CNTN4: variants seen among roughly 807,000 people sequenced by gnomAD.
CNTN4 encodes the protein contactin 4.
Under a neutral mutation model 122.5 loss-of-function variants are expected in CNTN4, and 77 were observed. That is an observed-to-expected ratio of 0.63 (90% CI 0.52 to 0.76). The LOEUF (loss-of-function observed/expected upper bound fraction) is 0.76. CNTN4 is among the 30% of genes least tolerant of loss of function. The probability of loss-of-function intolerance (pLI) is 0.00; values close to 1 mark genes in which losing one functional copy is unlikely to be tolerated. For synonymous variants in CNTN4, 512 were observed against 447.0 expected (o/e 1.15, Z -1.83); for missense variants, 1,256 against 1,259.1 (o/e 1.00, Z 0.04).
chr3:2,780,496 T>G (rs551899472), intron 6 of CNTN4, among the ~76,000 whole-genome samples: 29 of 152,366 alleles, frequency 1.9e-4, no homozygotes, highest in African/African-American at 6.5e-4. Context: ...ATATATTTTT[T>G]AAGTAGTTTC....
chr3:2,361,578 A>T (rs539647017), intron 3 of CNTN4, among the ~76,000 whole-genome samples: 1 of 152,254 alleles, frequency 6.6e-6, no homozygotes, highest in African/African-American at 2.4e-5. Flanking sequence ...CACACTAAAA[A>T]GGAGAAATTG....
intron 3 of CNTN4, among the ~76,000 whole-genome samples, chr3:2,503,704 A>G (rs1055956993): frequency 2.6e-5 from 4 of 152,050 alleles, no homozygotes; most frequent in Admixed American, 6.6e-5. Flanking sequence ...TTTTTTTAAT[A>G]AAGTGGGTAG....
intron 2 of CNTN4, among the ~76,000 whole-genome samples, chr3:2,332,359 A>G (rs1320360870): frequency 1.3e-5 from 2 of 152,168 alleles, no homozygotes; most frequent in Non-Finnish European, 2.9e-5. Flanking sequence ...TATAATATTA[A>G]TAGCTGACAG....
rs530919388 is a variant in CNTN4 at position 2,869,574 on chromosome 3, A to G, written c.652+2625A>G. Among the ~76,000 whole-genome samples the G allele has an allele frequency of 3.3e-5, 5 of 152,336 alleles. No homozygotes were observed. In the East Asian group the frequency reaches 9.6e-4, roughly 29 times the overall value. ...AAACATTATTTGTAAAACCAAATAC[A>G]TAACTTCTCCCTTGGCAACAGGAGG... On this transcript the variant is annotated intron_variant, in intron 8 of 24. Transcript: ENST00000418658.
In CNTN4 at chr3:2,771,413, C is replaced by T. The variant is rs565971637; in HGVS notation, c.358+25716C>T. Among the ~76,000 whole-genome samples, 10 of 152,330 alleles carry T rather than the reference C, an allele frequency of 6.6e-5. No individual in the cohort carries two copies. In the East Asian group the frequency reaches 1.9e-3, roughly 29 times the overall value. Reference sequence around the variant, plus strand: ...TGTTGGAAACTGATCAAGCAAGCCACATGGTGGGCAGAATTACCCACACTA... The same window carrying T: ...TGTTGGAAACTGATCAAGCAAGCCATATGGTGGGCAGAATTACCCACACTA... On this transcript the variant is annotated intron_variant, in intron 6 of 24. Coordinates refer to ENST00000418658, the MANE Select transcript of CNTN4 (RefSeq NM_175607.3).
In CNTN4 at chr3:2,219,812, C is replaced by G. The variant is rs2038991205; in HGVS notation, c.-145+119173C>G. 2.0e-5 allele frequency among the ~76,000 whole-genome samples: 3 copies of G among 151,894 alleles called. No individual in the cohort carries two copies. In the South Asian group the frequency reaches 6.2e-4, roughly 32 times the overall value. ...ATCTTAAACCATCAAATGTTCCCAG[C>G]AAAAGATGGCATTTTTTTCAGAAAT... On this transcript the variant is annotated intron_variant, in intron 2 of 24. Coordinates refer to ENST00000418658, the MANE Select transcript of CNTN4 (RefSeq NM_175607.3).
intron 6 of CNTN4, among the ~76,000 whole-genome samples, chr3:2,789,683 G>T (rs1189530880): frequency 6.6e-6 from 1 of 152,148 alleles, no homozygotes; most frequent in Non-Finnish European, 1.5e-5. Context: ...CACCTGCCTT[G>T]GCCTCCCAAA....
In CNTN4 at chr3:2,607,644, A is replaced by G. The variant is rs1367511227; in HGVS notation, c.55+36086A>G. Reference sequence around the variant, plus strand: ...CACACACATAACTAATGGCTAATACAGTATAAAAACATGGTAATGATACAT... The same window carrying G: ...CACACACATAACTAATGGCTAATACGGTATAAAAACATGGTAATGATACAT... On this transcript the variant is annotated intron_variant, in intron 4 of 24. Coordinates refer to ENST00000418658, the MANE Select transcript of CNTN4 (RefSeq NM_175607.3). 2.6e-5 allele frequency among the ~76,000 whole-genome samples: 4 copies of G among 152,284 alleles called. No homozygotes were observed. The East Asian group carries it at 7.7e-4, about 29-fold the overall frequency.
chr3:2,787,080 T>C (rs753010954), intron 6 of CNTN4, among the ~76,000 whole-genome samples: 14 of 152,164 alleles, frequency 9.2e-5, no homozygotes, highest in Non-Finnish European at 1.8e-4. Flanking sequence ...AACTTGAAGG[T>C]ATTTTAAGAA....
intron 3 of CNTN4, among the ~76,000 whole-genome samples, chr3:2,406,366 G>T (rs1354567911): frequency 1.3e-5 from 2 of 152,290 alleles, no homozygotes; most frequent in South Asian, 4.1e-4. Flanking sequence ...TCATGAGGCT[G>T]CACCAGGCAA....
At chr3:2,556,165 A>T (rs1490258270) in intron 3 of CNTN4, among the ~76,000 whole-genome samples, 1 of 152,170 alleles carries the variant, frequency 6.6e-6, no homozygotes, top group Non-Finnish European at 1.5e-5. Flanking sequence ...TTATGTATTT[A>T]TAGCAAAACA....
intron 3 of CNTN4, among the ~76,000 whole-genome samples, chr3:2,369,044 C>T (rs535126885): frequency 7.2e-5 from 11 of 152,064 alleles, no homozygotes; most frequent in Non-Finnish European, 1.3e-4. Flanking sequence ...CCTGCCTCAG[C>T]TCCCGAGTAG....
At chr3:2,633,305 T>C (rs1034595343) in intron 4 of CNTN4, among the ~76,000 whole-genome samples, 1 of 152,200 alleles carries the variant, frequency 6.6e-6, no homozygotes, top group Non-Finnish European at 1.5e-5. Flanking sequence ...AGCTAGGCAC[T>C]GGATTCATCA....
intron 3 of CNTN4, among the ~76,000 whole-genome samples, chr3:2,351,347 A>G: frequency 6.6e-6 from 1 of 152,192 alleles, no homozygotes; most frequent in East Asian, 1.9e-4. Context: ...TAAAAGTGGC[A>G]CAGATTCACA....
intron 7 of CNTN4, among the ~76,000 whole-genome samples, chr3:2,821,082 C>A (rs1395151091): frequency 1.3e-5 from 2 of 150,948 alleles, no homozygotes; most frequent in African/African-American, 4.9e-5. Flanking sequence ...ATGCCTCAGC[C>A]TTCCGAGTAG....
At chr3:2,486,764 A>G (rs534049789) in intron 3 of CNTN4, among the ~76,000 whole-genome samples, 1 of 152,246 alleles carries the variant, frequency 6.6e-6, no homozygotes, top group East Asian at 1.9e-4. Flanking sequence ...AAAGGAATGG[A>G]TTAGCCTTCA....
intron 3 of CNTN4, among the ~76,000 whole-genome samples, chr3:2,471,603 A>C (rs1485515539): frequency 6.6e-6 from 1 of 152,168 alleles, no homozygotes; most frequent in East Asian, 1.9e-4. Context: ...TCCTCCATAA[A>C]TGTTAAACTT....
chr3:2,252,306 C>A (rs574593568), intron 2 of CNTN4, among the ~76,000 whole-genome samples: 3 of 152,068 alleles, frequency 2.0e-5, no homozygotes, highest in African/African-American at 7.2e-5. Flanking sequence ...TTCAGCAAAA[C>A]ATTAGGTTTT....
chr3:2,549,106 C>G (rs2078372208), intron 3 of CNTN4, among the ~76,000 whole-genome samples: 1 of 125,704 alleles, frequency 8.0e-6, no homozygotes, highest in Non-Finnish European at 2.0e-5. Context: ...AATATACAAT[C>G]ATGTCGGGTT....
Sources: allele counts gnomAD v4.1 joint callset (sites outside exome capture counted in the v4.1 genomes callset), GRCh38; gene constraint gnomAD v4.1.1; transcripts MANE v1.5; gene names NCBI Gene and HGNC (gene_info 2026-07-23, HGNC 2026-07-21).